EFL1: variants seen among roughly 807,000 people sequenced by gnomAD.
EFL1 encodes elongation factor like GTPase 1, also known as elongation factor-like GTPase 1.
A neutral mutation model predicts 126.7 loss-of-function variants in EFL1; 76 were observed. The observed-to-expected ratio is 0.60, with a 90% confidence interval of 0.50 to 0.73. EFL1 has a LOEUF of 0.73. Ranked by LOEUF, EFL1 falls within the 30% of genes least tolerant of loss-of-function variation. EFL1 has a pLI of 0.00. For synonymous variants in EFL1, 410 were observed against 448.4 expected, an observed-to-expected ratio of 0.91 and a Z score of 1.08; for missense variants, 1,128 against 1,343.2, an observed-to-expected ratio of 0.84 and a Z score of 2.50.
chr15:82,138,580 T>C (rs1486230420), intron 19 of EFL1, 78 bp downstream of exon 19: 18 of 1,525,798 alleles, frequency 1.2e-5, no homozygotes, highest in Non-Finnish European at 1.5e-5. Context: ...TCTGTGTTGT[T>C]TGCTACTCTT....
Position 82,132,592 on chromosome 15 carries a change from G to C in EFL1, c.3175-2031C>G, listed in dbSNP as rs142584010. ...AGCACTAGAGTAATAACTCTGGTGGGTGACAGCAAGTCTAAGGAGCGTCTC... is the reference window on the plus strand; with the variant it reads ...AGCACTAGAGTAATAACTCTGGTGGCTGACAGCAAGTCTAAGGAGCGTCTC... On this transcript the variant is annotated intron_variant, in intron 19 of 19. Transcript: ENST00000268206. Among the ~76,000 whole-genome samples the C allele has an allele frequency of 3.7e-3, 562 of 149,944 alleles. 3 individuals are homozygous for C. Among genetic ancestry groups the C allele is most frequent in the African/African-American group, 0.013 (538 of 40,720 alleles).
chr15:82,226,676 G>T (rs1184573381), intron 11 of EFL1, among the ~76,000 whole-genome samples: 1 of 152,200 alleles, frequency 6.6e-6, no homozygotes, highest in Non-Finnish European at 1.5e-5. Context: ...CCAGAAAACA[G>T]ACATGCTCTG....
At chr15:82,227,652 T>C in intron 10 of EFL1, 80 bp from the exon 11 acceptor site, 1 of 1,587,754 alleles carries the variant, frequency 6.3e-7, no homozygotes, top group East Asian at 2.2e-5. Flanking sequence ...GCACTAAATA[T>C]TGAGGTAACA....
intron 17 of EFL1, among the ~76,000 whole-genome samples, chr15:82,153,103 C>G (rs1382266444): frequency 1.3e-5 from 2 of 152,038 alleles, no homozygotes; most frequent in African/African-American, 4.8e-5. Flanking sequence ...GCTAGTATGA[C>G]TGAGGAACTA....
chr15:82,132,140 A>T (rs887004727), intron 19 of EFL1, among the ~76,000 whole-genome samples: 1 of 152,212 alleles, frequency 6.6e-6, no homozygotes, highest in African/African-American at 2.4e-5. Flanking sequence ...GACCCACTAG[A>T]CACTATAGAA....
chr15:82,174,661 T>C (rs1040231212), intron 15 of EFL1, among the ~76,000 whole-genome samples: 9 of 152,156 alleles, frequency 5.9e-5, no homozygotes, highest in Non-Finnish European at 1.5e-5. Context: ...GAATGTTTCT[T>C]GAGGTTAACC....
chr15:82,207,127 G>A (rs1051226374), intron 15 of EFL1, among the ~76,000 whole-genome samples: 2 of 151,970 alleles, frequency 1.3e-5, no homozygotes, highest in African/African-American at 4.8e-5. Flanking sequence ...ACCCTCGTAT[G>A]TGTCACCTGA....
chr15:82,198,236 C>T (rs1410660297), intron 15 of EFL1, among the ~76,000 whole-genome samples: 1 of 152,142 alleles, frequency 6.6e-6, no homozygotes, highest in Non-Finnish European at 1.5e-5. Context: ...AGAGCTGGAA[C>T]ATTGCAGATG....
chr15:82,131,276 A>C (rs1024133972), intron 19 of EFL1, among the ~76,000 whole-genome samples: 2 of 151,986 alleles, frequency 1.3e-5, no homozygotes, highest in East Asian at 3.9e-4. Flanking sequence ...ATGTAACTAC[A>C]CTCTTATTAT....
chr15:82,152,713 GA>G (rs1327228823), intron 17 of EFL1, among the ~76,000 whole-genome samples: 1 of 151,324 alleles, frequency 6.6e-6, no homozygotes, highest in African/African-American at 2.4e-5. Context: ...ATTTAGATAA[GA>G]ATGTTTTGAG....
At chr15:82,183,035 T>C (rs776808670) in intron 15 of EFL1, among the ~76,000 whole-genome samples, 65 of 151,974 alleles carry the variant, frequency 4.3e-4, no homozygotes, top group Non-Finnish European at 7.8e-4. Context: ...AGTCTGCAGG[T>C]GAAAAAGGCC....
chr15:82,149,314 A>C (rs1372858348), intron 18 of EFL1, among the ~76,000 whole-genome samples: 1 of 152,244 alleles, frequency 6.6e-6, no homozygotes, highest in African/African-American at 2.4e-5. Flanking sequence ...AGTTCATACA[A>C]CTACATGATT....
chr15:82,246,630 G>C (rs1358751177), intron 4 of EFL1, among the ~76,000 whole-genome samples: 1 of 152,108 alleles, frequency 6.6e-6, no homozygotes, highest in Non-Finnish European at 1.5e-5. Flanking sequence ...ATACAAGCCA[G>C]TACAGAGGGA....
At chr15:82,166,640 T>C (rs1220815687) in intron 15 of EFL1, among the ~76,000 whole-genome samples, 3 of 152,228 alleles carry the variant, frequency 2.0e-5, no homozygotes, top group African/African-American at 7.2e-5. Context: ...AAATACAGTC[T>C]GAAGCAACTT....
chr15:82,181,801 G>A (rs963132093), intron 15 of EFL1, among the ~76,000 whole-genome samples: 3 of 152,066 alleles, frequency 2.0e-5, no homozygotes, highest in Non-Finnish European at 4.4e-5. Flanking sequence ...TAACACCACT[G>A]CTTCTAGTTT....
intron 3 of EFL1, among the ~76,000 whole-genome samples, chr15:82,258,864 T>A (rs1192147828): frequency 1.3e-5 from 2 of 152,278 alleles, no homozygotes; most frequent in Non-Finnish European, 2.9e-5. Flanking sequence ...ATTTGCTTGC[T>A]GCAAAAACTC....
intron 17 of EFL1, among the ~76,000 whole-genome samples, chr15:82,155,370 C>G (rs370519746): frequency 6.6e-6 from 1 of 152,014 alleles, no homozygotes; most frequent in African/African-American, 2.4e-5. Context: ...GGCGTGGTGG[C>G]GTGCACCTGT....
At chr15:82,132,563 T>C (rs572859205) in intron 19 of EFL1, among the ~76,000 whole-genome samples, 184 of 151,342 alleles carry the variant, frequency 1.2e-3, no homozygotes, top group African/African-American at 4.3e-3. Context: ...ACAGAGGCAT[T>C]ATCAGCACTA....
intron 3 of EFL1, among the ~76,000 whole-genome samples, chr15:82,254,366 TATA>T (rs1335080493): frequency 3.9e-5 from 6 of 152,188 alleles, no homozygotes; most frequent in African/African-American, 7.2e-5. Context: ...GTCAGTTTTC[TATA>T]ATGTATGTTT....
Sources: allele counts gnomAD v4.1 joint callset (sites outside exome capture counted in the v4.1 genomes callset), GRCh38; gene constraint gnomAD v4.1.1; transcripts MANE v1.5; gene names NCBI Gene and HGNC (gene_info 2026-07-23, HGNC 2026-07-21).